ACBD6: variants seen among roughly 807,000 people sequenced by gnomAD.
The protein encoded by ACBD6 is acyl-CoA binding domain containing 6.
Under a neutral mutation model 37.2 loss-of-function variants are expected in ACBD6, and 28 were observed. The ratio of observed to expected loss-of-function variants is 0.75; its 90% CI spans 0.56 to 1.03. The LOEUF (loss-of-function observed/expected upper bound fraction) is 1.03, where lower values mean the gene tolerates loss of function less well. Ranked by LOEUF, ACBD6 falls within the 50% of genes least tolerant of loss-of-function variation. The pLI, the probability that ACBD6 is intolerant of heterozygous loss-of-function variation, is 0.00. For synonymous variants in ACBD6, 113 were observed against 126.8 expected (o/e 0.89, Z 0.73); for missense variants, 340 against 337.4 (o/e 1.01, Z -0.06).
intron 3 of ACBD6, among the ~76,000 whole-genome samples, chr1:180,475,923 A>C (rs1018835364): frequency 2.6e-5 from 4 of 152,206 alleles, no homozygotes; most frequent in Non-Finnish European, 4.4e-5. Context: ...TACTTAAATC[A>C]ACAACATGGA....
At chr1:180,365,923 A>T (rs1653038458) in intron 6 of ACBD6, among the ~76,000 whole-genome samples, 1 of 152,188 alleles carries the variant, frequency 6.6e-6, no homozygotes. Context: ...ATCAAAAGCA[A>T]TATTGACCAT....
intron 9 of ACBD6, chr1:180,278,288 G>A (rs1038174834): frequency 1.3e-5 from 2 of 152,206 alleles, no homozygotes; most frequent in Non-Finnish European, 2.9e-5. Flanking sequence ...ATTGCCTGCT[G>A]CTGAAGGGCT....
chr1:180,418,231 C>T (rs1558291425), intron 4 of ACBD6, among the ~76,000 whole-genome samples: 1 of 151,814 alleles, frequency 6.6e-6, no homozygotes. Context: ...ATGTTTTTCT[C>T]CCTGAAAAAA....
chr1:180,321,674 A>T (rs79427970), intron 6 of ACBD6, among the ~76,000 whole-genome samples: 3 of 151,618 alleles, frequency 2.0e-5, no homozygotes, highest in African/African-American at 4.8e-5. Context: ...TCTCAAAAAT[A>T]AAAAAAAAGA....
At chr1:180,469,565 A>G (rs1650478719) in intron 3 of ACBD6, among the ~76,000 whole-genome samples, 1 of 152,220 alleles carries the variant, frequency 6.6e-6, no homozygotes, top group South Asian at 2.1e-4. Flanking sequence ...GACAGATTCA[A>G]TATAGATGAA....
chr1:180,401,246 C>A (rs985583259), intron 5 of ACBD6, among the ~76,000 whole-genome samples: 2 of 152,156 alleles, frequency 1.3e-5, no homozygotes, highest in African/African-American at 4.8e-5. Flanking sequence ...GAGTTCTCAT[C>A]TATTAACCAA....
intron 3 of ACBD6, among the ~76,000 whole-genome samples, chr1:180,486,057 G>A (rs536184698): frequency 1.2e-3 from 187 of 151,972 alleles, no homozygotes; most frequent in African/African-American, 4.4e-3. Context: ...TATGAGCCCC[G>A]AGTGTCCCTA....
intron 7 of ACBD6, among the ~76,000 whole-genome samples, chr1:180,292,332 C>T (rs1649741847): frequency 6.6e-6 from 1 of 152,104 alleles, no homozygotes. Flanking sequence ...TTTAAATTTT[C>T]CTTAATTTCG....
At chr1:180,397,671 T>A (rs527313002) in intron 5 of ACBD6, 66 bp from the exon 6 acceptor site, 1 of 1,303,316 alleles carries the variant, frequency 7.7e-7, no homozygotes, top group African/African-American at 1.5e-5. Context: ...GATATAATGT[T>A]TTAAGAAAGA....
intron 3 of ACBD6, among the ~76,000 whole-genome samples, chr1:180,459,895 C>T (rs1348023825): frequency 4.6e-5 from 7 of 151,322 alleles, no homozygotes; most frequent in African/African-American, 1.5e-4. Context: ...TAGGGGAGTC[C>T]GAACCATTTA....
At chr1:180,347,227 T>C (rs957023674) in intron 6 of ACBD6, among the ~76,000 whole-genome samples, 1 of 152,146 alleles carries the variant, frequency 6.6e-6, no homozygotes, top group Non-Finnish European at 1.5e-5. Context: ...CTTGAAATCA[T>C]GTCATGTTAG....
At chr1:180,343,643 G>A (rs754235805) in intron 6 of ACBD6, among the ~76,000 whole-genome samples, 5 of 152,118 alleles carry the variant, frequency 3.3e-5, no homozygotes, top group Admixed American at 6.5e-5. Flanking sequence ...ACTGTATTAT[G>A]TTTGTGTTCT....
intron 6 of ACBD6, among the ~76,000 whole-genome samples, chr1:180,348,030 T>G (rs1374315837): frequency 6.6e-6 from 1 of 152,206 alleles, no homozygotes; most frequent in East Asian, 1.9e-4. Flanking sequence ...ATTTCCATCT[T>G]TAAATACTGT....
Position 180,471,422 on chromosome 1 carries a change from A to T in ACBD6, c.384+20847T>A, listed in dbSNP as rs1474889607. Among the ~76,000 whole-genome samples the T allele has an allele frequency of 6.1e-5, 9 of 148,234 alleles. No homozygotes were observed. The South Asian group carries it at 1.9e-3, about 32-fold the overall frequency. On this transcript the variant is annotated intron_variant, in intron 3 of 7. Transcript: ENST00000367595. The stretch of plus-strand genomic sequence containing the variant: ...TTAAGGAAAAAAAAAAAAAAAGTTT[A>T]TCTGTCAACTTGGAAGGAGATATGA...
chr1:180,438,490 G>A (rs994591274), intron 3 of ACBD6: 1 of 152,798 alleles, frequency 6.5e-6, no homozygotes, highest in South Asian at 2.1e-4. Flanking sequence ...GGAAGAGATA[G>A]CTATGGTCCA....
chr1:180,384,257 G>C (rs1463139431), intron 6 of ACBD6, among the ~76,000 whole-genome samples: 3 of 151,928 alleles, frequency 2.0e-5, no homozygotes, highest in Non-Finnish European at 4.4e-5. Context: ...CAAATTATCT[G>C]ACAAGGGACT....
chr1:180,337,042 A>C (rs1408376329), intron 6 of ACBD6, among the ~76,000 whole-genome samples: 1 of 152,144 alleles, frequency 6.6e-6, no homozygotes, highest in Non-Finnish European at 1.5e-5. Context: ...AAAGTCCAGG[A>C]CCAGACATTC....
chr1:180,288,191 G>A, downstream of ACBD6: 1 of 844,992 alleles, frequency 1.2e-6, no homozygotes, highest in Non-Finnish European at 1.9e-6. Context: ...GTACTGCCTA[G>A]AATGTATGCA....
Position 180,314,693 on chromosome 1 carries a change from A to G in ACBD6, c.693T>C (p.Tyr231=). 1 of 1,529,372 alleles carries G rather than the reference A, an allele frequency of 6.5e-7. No homozygotes were observed. The highest frequency in any genetic ancestry group is 9.0e-7 in the Non-Finnish European group (1 of 1,105,392). 94.7% of individuals were successfully genotyped at this position (1,529,372 alleles called of 1,614,324 possible). ...QDNEGQTALH[Y]ASACEFLDIV... is the part of the protein sequence containing the mutation. The stretch of plus-strand genomic sequence containing the variant: ...CTTAATAATTTAGAAACTTCTTACC[A>G]TAATGTAGAGCTGTTTGGCCTTCAT... Residue 231 remains tyrosine (Y), a splice_region_variant and synonymous_variant, in exon 7 of 8, where the codon TAT becomes TAC. Coordinates refer to ENST00000367595, the MANE Select transcript of ACBD6 (RefSeq NM_032360.4).
Sources: allele counts gnomAD v4.1 joint callset (sites outside exome capture counted in the v4.1 genomes callset), GRCh38; gene constraint gnomAD v4.1.1; transcripts MANE v1.5; gene names NCBI Gene and HGNC (gene_info 2026-07-23, HGNC 2026-07-21).